CABCOCO1: variants seen among roughly 807,000 people sequenced by gnomAD.
CABCOCO1 encodes ciliary associated calcium binding coiled-coil 1.
A neutral mutation model predicts 35.7 loss-of-function variants in CABCOCO1; 28 were observed. That is an observed-to-expected ratio of 0.78 (90% confidence interval 0.58 to 1.07). The LOEUF (loss-of-function observed/expected upper bound fraction) is 1.07. Among genes scored for constraint, CABCOCO1 ranks in the 50% least tolerant of loss-of-function variants. The pLI, the probability that CABCOCO1 is intolerant of heterozygous loss-of-function variation, is 0.00. For missense variants in CABCOCO1, 326 were observed against 309.2 expected (o/e 1.05, Z -0.41); for synonymous variants, 95 against 100.1 (o/e 0.95, Z 0.30).
intron 5 of CABCOCO1, among the ~76,000 whole-genome samples, chr10:61,746,475 A>G (rs1841662854): frequency 6.6e-6 from 1 of 152,216 alleles, no homozygotes; most frequent in Non-Finnish European, 1.5e-5. Context: ...GCTGTAATCT[A>G]TCATGGCTGG....
chr10:61,716,793 A>G (rs1222037784), intron 5 of CABCOCO1, among the ~76,000 whole-genome samples: 1 of 152,236 alleles, frequency 6.6e-6, no homozygotes, highest in Non-Finnish European at 1.5e-5. Context: ...TGCCTTGCAA[A>G]TATGAGATGC....
intron 5 of CABCOCO1, among the ~76,000 whole-genome samples, chr10:61,727,373 AT>A (rs775268242): frequency 1.3e-5 from 2 of 152,198 alleles, no homozygotes; most frequent in Non-Finnish European, 2.9e-5. Flanking sequence ...AATCTCAAGA[AT>A]AGTTTTACAT....
intron 5 of CABCOCO1, among the ~76,000 whole-genome samples, chr10:61,751,213 C>CTTTTTTT (rs57540074): frequency 2.8e-5 from 3 of 106,506 alleles, no homozygotes; most frequent in African/African-American, 3.7e-5. Context: ...TTGCCTTGCT[C>CTTTTTTT]TTTTTTTTTT....
chr10:61,669,820 T>A (rs1268311698), intron 1 of CABCOCO1, among the ~76,000 whole-genome samples: 1 of 152,150 alleles, frequency 6.6e-6, no homozygotes, highest in African/African-American at 2.4e-5. Context: ...TCAAATCAGA[T>A]AAATTGATCT....
chr10:61,702,282 T>C (rs1840478405), intron 5 of CABCOCO1, among the ~76,000 whole-genome samples: 1 of 152,176 alleles, frequency 6.6e-6, no homozygotes, highest in Non-Finnish European at 1.5e-5. Flanking sequence ...TTTTAGGACT[T>C]TCAATTTAAA....
chr10:61,736,127 G>A (rs534930835), intron 5 of CABCOCO1, among the ~76,000 whole-genome samples: 1 of 152,234 alleles, frequency 6.6e-6, no homozygotes, highest in East Asian at 1.9e-4. Flanking sequence ...TACTCTGATA[G>A]TTTCTTTTAC....
chr10:61,698,802 T>C (rs1179523535), intron 5 of CABCOCO1, among the ~76,000 whole-genome samples: 3 of 152,160 alleles, frequency 2.0e-5, no homozygotes, highest in East Asian at 3.9e-4. Context: ...TATAAAGTTA[T>C]AGTGTCCTGA....
At chr10:61,738,068 A>T (rs1158211864) in intron 5 of CABCOCO1, among the ~76,000 whole-genome samples, 4 of 149,950 alleles carry the variant, frequency 2.7e-5, no homozygotes, top group African/African-American at 5.0e-5. Flanking sequence ...AAAAAAAAAA[A>T]CAAAGACACC....
chr10:61,680,601 T>TAAC (rs1839717622), intron 2 of CABCOCO1, among the ~76,000 whole-genome samples: 2 of 14,652 alleles, frequency 1.4e-4, no homozygotes, highest in Non-Finnish European at 3.0e-4. Flanking sequence ...ATGTTATACA[T>TAAC]GTATAACATG....
In CABCOCO1 at chr10:61,681,145, A is replaced by T; in HGVS notation, c.167A>T (p.Lys56Ile). Residue 56 changes from lysine to isoleucine, a missense_variant and splice_region_variant, in exon 3 of 8, where the codon AAA (lysine) becomes ATA (isoleucine). Lys to Ile is a moderately radical substitution (Grantham distance 102, BLOSUM62 -3). Transcript: ENST00000648843. ...LMEDIDGVQEKLRIFLNFKNL... is the reference protein window; with the variant it reads ...LMEDIDGVQEILRIFLNFKNL... ...TGGATTTTTGTTTTATTTTACAGAAAACTGAGAATATTTTTGAATTTCAAA... is the reference window on the plus strand; with the variant it reads ...TGGATTTTTGTTTTATTTTACAGAATACTGAGAATATTTTTGAATTTCAAA... The T allele has an allele frequency of 6.9e-7, 1 of 1,439,644 alleles. No homozygotes were observed. Among genetic ancestry groups the T allele is most frequent in the Non-Finnish European group, 9.3e-7 (1 of 1,074,430 alleles). 89.2% of individuals were successfully genotyped at this position (1,439,644 alleles called of 1,614,324 possible).
intron 5 of CABCOCO1, among the ~76,000 whole-genome samples, chr10:61,755,889 G>A (rs944879563): frequency 1.3e-5 from 2 of 151,978 alleles, no homozygotes; most frequent in Non-Finnish European, 2.9e-5. Flanking sequence ...GACATAGTAA[G>A]ATCTAGAAGC....
At chr10:61,758,573 T>A (rs532449510) in intron 5 of CABCOCO1, among the ~76,000 whole-genome samples, 15 of 152,176 alleles carry the variant, frequency 9.9e-5, no homozygotes, top group African/African-American at 3.6e-4. Context: ...GAATAAAAAT[T>A]AAGTGCTTGA....
chr10:61,719,926 A>G (rs1840960742), intron 5 of CABCOCO1, among the ~76,000 whole-genome samples: 1 of 150,968 alleles, frequency 6.6e-6, no homozygotes, highest in Non-Finnish European at 1.5e-5. Flanking sequence ...ATCTCAAAAA[A>G]AAAAAAAAAA....
At chr10:61,764,050 A>G (rs1300007142) in intron 7 of CABCOCO1, among the ~76,000 whole-genome samples, 1 of 152,024 alleles carries the variant, frequency 6.6e-6, no homozygotes, top group Non-Finnish European at 1.5e-5. Flanking sequence ...CCCAAGGCCT[A>G]CACTTGTTTT....
intron 5 of CABCOCO1, among the ~76,000 whole-genome samples, chr10:61,726,547 A>G (rs1359997895): frequency 6.6e-6 from 1 of 151,964 alleles, no homozygotes; most frequent in Non-Finnish European, 1.5e-5. Context: ...TATTTTTACT[A>G]CTTGTATTGC....
intron 5 of CABCOCO1, among the ~76,000 whole-genome samples, chr10:61,704,937 G>C (rs2132021106): frequency 6.6e-6 from 1 of 150,494 alleles, no homozygotes; most frequent in Middle Eastern, 3.5e-3. Context: ...AAACAAAACA[G>C]TTCTCCTCCA....
intron 7 of CABCOCO1, among the ~76,000 whole-genome samples, chr10:61,764,706 C>T (rs1218943904): frequency 6.6e-6 from 1 of 151,800 alleles, no homozygotes; most frequent in African/African-American, 2.4e-5. Flanking sequence ...CCTCCTCCAC[C>T]CAACCACCAA....
chr10:61,739,849 G>T (rs928717200), intron 5 of CABCOCO1, among the ~76,000 whole-genome samples: 2 of 152,316 alleles, frequency 1.3e-5, no homozygotes, highest in Non-Finnish European at 2.9e-5. Flanking sequence ...GGCTGAGGCA[G>T]GAGAATCGCT....
intron 7 of CABCOCO1, among the ~76,000 whole-genome samples, chr10:61,763,055 A>G (rs1040357151): frequency 6.6e-6 from 1 of 152,068 alleles, no homozygotes; most frequent in Non-Finnish European, 1.5e-5. Flanking sequence ...GTCAGTGTAT[A>G]TATGCTATTT....
Sources: gnomAD v4.1 joint callset for allele counts (sites outside exome capture counted in the v4.1 genomes callset) on GRCh38, gnomAD v4.1.1 for gene constraint, MANE v1.5 for transcripts, NCBI Gene and HGNC (gene_info 2026-07-23, HGNC 2026-07-21) for gene names.